SNX14: variants seen among roughly 807,000 people sequenced by gnomAD.
SNX14 encodes the protein sorting nexin 14, also known as sorting nexin-14.
A neutral mutation model predicts 133.8 loss-of-function variants in SNX14; 93 were observed. That is an observed-to-expected ratio of 0.70 (90% CI 0.59 to 0.83). SNX14 has a LOEUF of 0.83. Among genes scored for constraint, SNX14 ranks in the 40% least tolerant of loss-of-function variants. SNX14 has a pLI of 0.00. For missense variants in SNX14, 945 were observed against 1,094.9 expected (o/e 0.86, Z 1.93); for synonymous variants, 368 against 365.6 (o/e 1.01, Z -0.07).
At chr6:85,588,359 G>GCAGA (rs1192792929) in intron 1 of SNX14, among the ~76,000 whole-genome samples, 2 of 151,960 alleles carry the variant, frequency 1.3e-5, no homozygotes, top group African/African-American at 4.8e-5. Context: ...AGATCACAAG[G>GCAGA]TCAGGAGACC....
chr6:85,508,473 C>T, intron 26 of SNX14: 2 of 778,924 alleles, frequency 2.6e-6, no homozygotes, highest in Non-Finnish European at 3.1e-6. Context: ...AGGATTAACA[C>T]CCAATGTAGG....
At chr6:85,507,090 C>A in intron 28 of SNX14, 143 bp downstream of exon 28, 1 of 709,464 alleles carries the variant, frequency 1.4e-6, no homozygotes, top group South Asian at 1.8e-5. Context: ...AAAGAAAATA[C>A]AAAAGGCAAT....
intron 14 of SNX14, among the ~76,000 whole-genome samples, chr6:85,542,645 C>T (rs1331951637): frequency 5.9e-5 from 9 of 152,208 alleles, no homozygotes; most frequent in African/African-American, 1.4e-4. Flanking sequence ...CCGCCCGCCT[C>T]GGCCTCCCAA....
At chr6:85,508,549 T>C (rs59570549) in intron 26 of SNX14, 163 of 240,704 alleles carry the variant, frequency 6.8e-4, no homozygotes, top group African/African-American at 3.6e-3. Flanking sequence ...ATTTTCATAG[T>C]GCTCTTAATA....
chr6:85,549,852 G>A lies in SNX14; in HGVS notation c.662C>T (p.Ala221Val). ...CTCTGGACCATATTCTTCTAAAGCA[G>A]CTTGCTGTAAAAACTCTGTATTTTT... ...KVKNTEFLQQ[A>V]ALEEYGPELH... is the part of the protein sequence containing the mutation. The change falls in exon 8 of 29, where the codon GCT becomes GTT. Residue 221 changes from alanine to valine, a missense_variant. By Grantham distance (64) the Ala-to-Val change is moderately conservative (BLOSUM62 0). This residue lies in a region of SNX14 where 514 missense variants were observed against 538.8 expected (regional missense o/e 0.95). Coordinates refer to ENST00000314673, the MANE Select transcript of SNX14 (RefSeq NM_153816.6). 6.2e-7 allele frequency: 1 copy of A among 1,610,874 alleles called. No homozygotes were observed. Among genetic ancestry groups the A allele is most frequent in the Non-Finnish European group, 8.5e-7 (1 of 1,178,800 alleles).
intron 1 of SNX14, among the ~76,000 whole-genome samples, chr6:85,592,885 G>A (rs1803303163): frequency 1.3e-5 from 2 of 152,050 alleles, no homozygotes; most frequent in South Asian, 2.1e-4. Flanking sequence ...GTGGTGGCGG[G>A]CGCCTGTAGC....
At chr6:85,539,540 G>A (rs1438477726) in intron 15 of SNX14, among the ~76,000 whole-genome samples, 5 of 151,968 alleles carry the variant, frequency 3.3e-5, no homozygotes, top group Non-Finnish European at 7.4e-5. Context: ...ATAAAATGTA[G>A]ACATAAAATA....
chr6:85,590,685 T>G (rs1802496775), intron 1 of SNX14, among the ~76,000 whole-genome samples: 2 of 152,346 alleles, frequency 1.3e-5, no homozygotes, highest in South Asian at 4.1e-4. Context: ...TAAGCTGTTA[T>G]ACAATGACTT....
chr6:85,522,916 C>T (rs564831397), intron 21 of SNX14, among the ~76,000 whole-genome samples: 22 of 152,294 alleles, frequency 1.4e-4, no homozygotes, highest in African/African-American at 5.3e-4. Context: ...TATCTATCTC[C>T]TGCCGATTTC....
At chr6:85,564,230 AT>A (rs1792943629) in intron 6 of SNX14, among the ~76,000 whole-genome samples, 1 of 152,192 alleles carries the variant, frequency 6.6e-6, no homozygotes, top group South Asian at 2.1e-4. Flanking sequence ...CGCAATAAAC[AT>A]ATGTGTGCAT....
In SNX14 at chr6:85,557,661, C is replaced by T. The variant is rs148759789; in HGVS notation, c.634+315G>A. 6.6e-5 allele frequency among the ~76,000 whole-genome samples: 10 copies of T among 151,898 alleles called. No homozygotes were observed. The East Asian group carries it at 1.9e-3, about 29-fold the overall frequency. On this transcript the variant is annotated intron_variant, in intron 7 of 28. Transcript: ENST00000314673. ...ACCTTGTAGCAATATAAAGGATGGG[C>T]TAGAATAGGTCAAAACCATTGAAAC...
At chr6:85,513,368 C>A (rs377551854) in intron 26 of SNX14, among the ~76,000 whole-genome samples, 2 of 152,168 alleles carry the variant, frequency 1.3e-5, no homozygotes. Context: ...GCTAGACTGA[C>A]CTACTCAAGT....
At chr6:85,532,069 T>C (rs955320242) in intron 18 of SNX14, among the ~76,000 whole-genome samples, 3 of 152,110 alleles carry the variant, frequency 2.0e-5, no homozygotes, top group Non-Finnish European at 4.4e-5. Flanking sequence ...ATAAAAGTTT[T>C]AAGATTTTTT....
intron 2 of SNX14, 141 bp from the exon 3 acceptor site, chr6:85,572,515 T>G (rs879554957): frequency 2.6e-5 from 17 of 646,948 alleles, no homozygotes; most frequent in Non-Finnish European, 4.0e-5. Context: ...AGTGAAATCT[T>G]TCTTTGTAAT....
intron 7 of SNX14, among the ~76,000 whole-genome samples, chr6:85,550,771 T>C (rs1562307316): frequency 1.3e-5 from 2 of 152,010 alleles, no homozygotes; most frequent in South Asian, 4.2e-4. Context: ...ATTGCTGGGA[T>C]TATAGGCCTC....
intron 4 of SNX14, among the ~76,000 whole-genome samples, chr6:85,570,247 A>C (rs1418784282): frequency 6.6e-6 from 1 of 152,220 alleles, no homozygotes; most frequent in Admixed American, 6.5e-5. Flanking sequence ...ATATGTTTTT[A>C]AATGTGAGAG....
At chr6:85,592,179 C>T (rs1402505384) in intron 1 of SNX14, among the ~76,000 whole-genome samples, 2 of 152,236 alleles carry the variant, frequency 1.3e-5, no homozygotes, top group East Asian at 3.8e-4. Context: ...AAACATCTCA[C>T]CATCACAGAG....
At chr6:85,532,274 G>A (rs541074355) in intron 18 of SNX14, among the ~76,000 whole-genome samples, 37 of 152,292 alleles carry the variant, frequency 2.4e-4, no homozygotes, top group Admixed American at 2.0e-3. Context: ...CTGTCAGAAT[G>A]CTGAAAGAAC....
intron 18 of SNX14, among the ~76,000 whole-genome samples, chr6:85,531,952 C>T (rs1206605491): frequency 1.3e-5 from 2 of 151,916 alleles, no homozygotes; most frequent in African/African-American, 2.4e-5. Flanking sequence ...CACTTGAACC[C>T]GGGAAGTTGA....
Sources: allele counts gnomAD v4.1 joint callset (sites outside exome capture counted in the v4.1 genomes callset), GRCh38; gene constraint gnomAD v4.1.1; regional missense constraint gnomAD v4.1.1; transcripts MANE v1.5; gene names NCBI Gene and HGNC (gene_info 2026-07-23, HGNC 2026-07-21).